The following AMMECR1 variants were observed in gnomAD, a reference collection of about 807,000 sequenced individuals.
The protein encoded by AMMECR1 is AMMECR nuclear protein 1.
AMMECR1 carries 3 observed loss-of-function variants against 22.5 expected under a neutral mutation model. That is an observed-to-expected ratio of 0.13 (90% CI 0.06 to 0.35). AMMECR1 has a LOEUF of 0.35. AMMECR1 is among the 10% of genes least tolerant of loss of function. The pLI is 1.00. For missense variants in AMMECR1, 235 were observed against 278.7 expected (o/e 0.84, Z 1.12); for synonymous variants, 130 against 116.7 (o/e 1.11, Z -0.74).
intron 1 of AMMECR1, among the ~76,000 whole-genome samples, chrX:110,283,511 T>C (rs1450025163): frequency 8.9e-6 from 1 of 112,090 alleles, no homozygotes; most frequent in Non-Finnish European, 1.9e-5. Flanking sequence ...AAGTCCAAGA[T>C]TAAGGAGCCA....
intron 2 of AMMECR1, among the ~76,000 whole-genome samples, chrX:110,251,523 T>C (rs1214572329): frequency 8.9e-6 from 1 of 112,280 alleles, no homozygotes; most frequent in African/African-American, 3.2e-5. Flanking sequence ...TTTTCCTCTC[T>C]GGTGATAAGG....
chrX:110,232,519 G>A (rs1234352802), intron 2 of AMMECR1, among the ~76,000 whole-genome samples: 1 of 111,579 alleles, frequency 9.0e-6, no homozygotes, highest in Admixed American at 9.5e-5. Context: ...TTAAAGCAGT[G>A]TGTAGAGGGA....
chrX:110,341,639 A>G (rs929971405), intron 2 of AMMECR1, among the ~76,000 whole-genome samples: 1 of 112,349 alleles, frequency 8.9e-6, no homozygotes, highest in Non-Finnish European at 1.9e-5. Context: ...CAGTTATCAG[A>G]TCGACTGTTG....
chrX:110,420,616 A>T (rs1238506549), intron 2 of AMMECR1, among the ~76,000 whole-genome samples: 1 of 112,095 alleles, frequency 8.9e-6, no homozygotes, highest in Non-Finnish European at 1.9e-5. Context: ...CAGTGTTCCA[A>T]TCCCATCTCA....
chrX:110,342,007 T>A lies in AMMECR1; in HGVS notation c.-147-24158A>T, dbSNP rs188468617. The stretch of plus-strand genomic sequence containing the variant: ...CTGGGAGGTCGAGGCTGCAGTGAGC[T>A]GAGATCGTGCCACTGCGTTCCAGCC... On this transcript the variant is annotated intron_variant, in intron 2 of 7. Coordinates refer to the AMMECR1 transcript ENST00000372057. Among the ~76,000 whole-genome samples, 398 of 110,631 alleles carry A rather than the reference T, an allele frequency of 3.6e-3. 3 individuals are homozygous for A. The highest frequency in any genetic ancestry group is 0.013 in the African/African-American group (381 of 30,374).
intron 2 of AMMECR1, among the ~76,000 whole-genome samples, chrX:110,413,222 C>T (rs1460437807): frequency 9.0e-6 from 1 of 111,345 alleles, no homozygotes; most frequent in Non-Finnish European, 1.9e-5. Context: ...TCCCCCTACA[C>T]CCTGGATAAA....
At chrX:110,332,582 GT>G (rs1454846352) in intron 2 of AMMECR1, among the ~76,000 whole-genome samples, 2 of 111,983 alleles carry the variant, frequency 1.8e-5, no homozygotes, top group African/African-American at 6.5e-5. Context: ...ATTTGTCCTT[GT>G]TGTTGTAGAT....
At chrX:110,259,181 C>T (rs2067725866) in intron 2 of AMMECR1, among the ~76,000 whole-genome samples, 1 of 111,532 alleles carries the variant, frequency 9.0e-6, no homozygotes, top group Non-Finnish European at 1.9e-5. Flanking sequence ...ACTCCCCTGA[C>T]ACACAACCCC....
chrX:110,231,842 CA>C (rs904131652), intron 2 of AMMECR1, among the ~76,000 whole-genome samples: 1 of 108,015 alleles, frequency 9.3e-6, no homozygotes, highest in Non-Finnish European at 1.9e-5. Flanking sequence ...AAACAGAAAG[CA>C]AAAAAAAGCA....
At chrX:110,281,333 C>A (rs1211828308) in intron 1 of AMMECR1, among the ~76,000 whole-genome samples, 1 of 112,277 alleles carries the variant, frequency 8.9e-6, no homozygotes, top group Non-Finnish European at 1.9e-5. Context: ...TACAGTAGTA[C>A]ACCATAAAAC....
intron 1 of AMMECR1, among the ~76,000 whole-genome samples, chrX:110,315,885 G>A (rs1193290364): frequency 1.8e-5 from 2 of 112,178 alleles, no homozygotes; most frequent in African/African-American, 6.5e-5. Flanking sequence ...TCACAAATAA[G>A]TGACTCAAGC....
intron 1 of AMMECR1, among the ~76,000 whole-genome samples, chrX:110,283,474 T>G (rs993830533): frequency 8.9e-6 from 1 of 112,191 alleles, no homozygotes; most frequent in African/African-American, 3.2e-5. Flanking sequence ...AATAACAAAT[T>G]TATTTCTCAT....
At chrX:110,392,180 A>T (rs1430853679) in intron 2 of AMMECR1, among the ~76,000 whole-genome samples, 1 of 111,520 alleles carries the variant, frequency 9.0e-6, no homozygotes. Context: ...TCAAGTAATT[A>T]TTCAACTATC....
intron 1 of AMMECR1, among the ~76,000 whole-genome samples, chrX:110,276,118 T>C (rs1041022897): frequency 1.8e-5 from 2 of 111,489 alleles, no homozygotes; most frequent in Non-Finnish European, 3.8e-5. Flanking sequence ...ATTTCTATTG[T>C]TATGGATACA....
chrX:110,421,651 A>C (rs1374142290), intron 2 of AMMECR1, among the ~76,000 whole-genome samples: 1 of 113,050 alleles, frequency 8.8e-6, no homozygotes, highest in African/African-American at 3.2e-5. Context: ...AACAAAGCTC[A>C]AATTCATGTG....
chrX:110,434,184 A>G (rs1299913465), intron 1 of AMMECR1, among the ~76,000 whole-genome samples: 2 of 111,841 alleles, frequency 1.8e-5, no homozygotes, highest in Non-Finnish European at 3.8e-5. Context: ...GGGCAGGACA[A>G]TTGTAGCTGG....
rs530107848 is a variant in AMMECR1, at chrX:110,271,922, T to TA, written c.474-7324dup. 5.4e-5 allele frequency among the ~76,000 whole-genome samples: 6 copies of TA among 111,594 alleles called. No homozygotes were observed. The South Asian group carries it at 1.9e-3, about 35-fold the overall frequency. ...AGGTTTGAGACTTAGTCTTTACTAT[T>TA]AAAAAAAATTAGTTATTTTAGGCTG... On this transcript the variant is annotated intron_variant, in intron 1 of 5. Coordinates refer to ENST00000262844, the MANE Select transcript of AMMECR1 (RefSeq NM_015365.3).
intron 2 of AMMECR1, among the ~76,000 whole-genome samples, chrX:110,409,105 A>G (rs2068623353): frequency 9.0e-6 from 1 of 111,616 alleles, no homozygotes; most frequent in African/African-American, 3.3e-5. Flanking sequence ...ATAATGAATA[A>G]TGAATGTGGA....
chrX:110,369,877 A>C (rs16985968), intron 2 of AMMECR1, among the ~76,000 whole-genome samples: 8,589 of 111,360 alleles, frequency 0.077, 732 homozygotes, highest in African/African-American at 0.25. Flanking sequence ...TCTGGAGTCC[A>C]TATATGGGTT....
Sources: gnomAD v4.1 joint callset for allele counts (sites outside exome capture counted in the v4.1 genomes callset) on GRCh38, gnomAD v4.1.1 for gene constraint, MANE v1.5 for transcripts, NCBI Gene and HGNC (gene_info 2026-07-23, HGNC 2026-07-21) for gene names.